RNF213: variants seen among roughly 807,000 people sequenced by gnomAD.
The protein encoded by RNF213 is ring finger protein 213, also known as E3 ubiquitin-protein ligase RNF213.
RNF213 carries 341 observed loss-of-function variants against 514.4 expected under a neutral mutation model. The ratio of observed to expected loss-of-function variants is 0.66; its 90% CI spans 0.61 to 0.73. The LOEUF (loss-of-function observed/expected upper bound fraction) is 0.73, where lower values mean the gene tolerates loss of function less well. Among genes scored for constraint, RNF213 ranks in the 30% least tolerant of loss-of-function variants. RNF213 has a pLI of 0.00. For synonymous variants in RNF213, 2,655 were observed against 2,658.2 expected, an observed-to-expected ratio of 1.00 and a Z score of 0.04; for missense variants, 5,767 against 6,615.6, an observed-to-expected ratio of 0.87 and a Z score of 4.45.
rs768549249 is a variant in RNF213 at position 80,306,231 on chromosome 17, G to A, written c.2211-21G>A. 73 of 1,610,056 alleles carry A rather than the reference G, an allele frequency of 4.5e-5. No homozygotes were observed. In the Admixed American group the frequency reaches 5.3e-4, roughly 12 times the overall value. ...TGATCTCACTGCGTCTCTTTTCTCCGTCCCTATTTCTCTTATGCAGGAGTT... is the reference window on the plus strand; with the variant it reads ...TGATCTCACTGCGTCTCTTTTCTCCATCCCTATTTCTCTTATGCAGGAGTT... On this transcript the variant is annotated intron_variant, in intron 11 of 67. Coordinates refer to ENST00000582970, the MANE Select transcript of RNF213 (RefSeq NM_001256071.3).
intron 59 of RNF213, 35 bp downstream of exon 59, chr17:80,383,963 C>G: frequency 1.2e-6 from 2 of 1,613,972 alleles, no homozygotes; most frequent in Non-Finnish European, 1.7e-6. Flanking sequence ...CTCCCTCTTT[C>G]GGTGCAGAGT....
intron 3 of RNF213, among the ~76,000 whole-genome samples, chr17:80,277,492 G>A (rs2044107801): frequency 6.6e-6 from 1 of 151,304 alleles, no homozygotes; most frequent in Non-Finnish European, 1.5e-5. Context: ...CAGCTACTCA[G>A]GAGGTTGAGG....
intron 3 of RNF213, among the ~76,000 whole-genome samples, chr17:80,283,252 C>T (rs1168564985): frequency 6.6e-6 from 1 of 152,014 alleles, no homozygotes; most frequent in Non-Finnish European, 1.5e-5. Context: ...GTAAGTGGTC[C>T]CTAACTCAGG....
chr17:80,307,304 A>G, intron 13 of RNF213, 103 bp downstream of exon 13: 1 of 895,496 alleles, frequency 1.1e-6, no homozygotes, highest in Non-Finnish European at 1.9e-6. Context: ...TTGTAACAGC[A>G]AGGTCATAAA....
chr17:80,361,956 G>A lies in RNF213; in HGVS notation c.11355+68G>A, dbSNP rs908399685. On this transcript the variant is annotated intron_variant, in intron 39 of 67. Transcript: ENST00000582970. ...CATGATGGGGACTGGATGCAGACAC[G>A]GAGACGTTTCCTCAGCTGCCTGGAG... 4.3e-5 allele frequency: 67 copies of A among 1,545,750 alleles called. No individual in the cohort carries two copies. In the Admixed American group the frequency reaches 5.4e-4, roughly 13 times the overall value.
rs1375635768 is a variant in RNF213 at position 80,340,607 on chromosome 17, TG to T, written c.5989+253del. 191 of 334,582 alleles carry T rather than the reference TG, an allele frequency of 5.7e-4. 1 individual carries two copies. Among genetic ancestry groups the T allele is most frequent in the African/African-American group, 3.7e-3 (146 of 39,336 alleles). The allele number at this position is 334,582 out of a possible 1,614,324, so 20.7% of individuals were successfully genotyped here. Reference sequence around the variant, plus strand: ...GCAAACATCTCTGCAGTGTACTTTGTGGTTTTTTTTTTTTTTTTTTTTTTTT... The same window carrying T: ...GCAAACATCTCTGCAGTGTACTTTGTGTTTTTTTTTTTTTTTTTTTTTTTT... On this transcript the variant is annotated intron_variant, in intron 26 of 67. Transcript: ENST00000582970.
At chr17:80,369,910 T>C in intron 46 of RNF213, 43 bp downstream of exon 46, 1 of 1,334,908 alleles carries the variant, frequency 7.5e-7, no homozygotes, top group Non-Finnish European at 1.1e-6. Context: ...GCCCTGGCTT[T>C]TTCTCTTCAT....
At position 80,381,589 on chromosome 17, in the gene RNF213, G is replaced by A. The variant is rs2080006229; in HGVS notation, c.13840G>A (p.Gly4614Ser). Residue 4614 changes from glycine to serine, a missense_variant, in exon 57 of 68, where the codon GGC becomes AGC. Around this residue, in one of 13 missense-constraint regions of RNF213, gnomAD observed 1,245 missense variants for 1,339.0 expected, o/e 0.93. Coordinates refer to ENST00000582970, the MANE Select transcript of RNF213 (RefSeq NM_001256071.3). ...TAAGCCTCCAGTGAGGGATCCAAAA[G>A]GCTTTCTGCAGCAGCACATCCTGAA... The part of the protein sequence containing the change: ...IIKPPVRDPK[G>S]FLQQHILKDL... 1.2e-5 allele frequency: 20 copies of A among 1,614,114 alleles called. No homozygotes were observed. The highest frequency in any genetic ancestry group is 1.4e-5 in the Non-Finnish European group (17 of 1,180,050).
At chr17:80,294,192 G>A (rs1475367422) in intron 8 of RNF213, among the ~76,000 whole-genome samples, 1 of 152,138 alleles carries the variant, frequency 6.6e-6, no homozygotes, top group Admixed American at 6.6e-5. Context: ...GAACAGTCAC[G>A]AATTCAGCCC....
chr17:80,370,638 G>A (rs940120817), intron 46 of RNF213, among the ~76,000 whole-genome samples: 1 of 152,066 alleles, frequency 6.6e-6, no homozygotes, highest in Admixed American at 6.5e-5. Flanking sequence ...ACTTTTCAAC[G>A]TTTTGTGGAA....
chr17:80,294,677 T>C (rs770020927), intron 8 of RNF213, 43 bp from the exon 9 acceptor site: 1 of 1,610,984 alleles, frequency 6.2e-7, no homozygotes, highest in South Asian at 1.1e-5. Flanking sequence ...CTCCAGGGTT[T>C]TGATGGTCTT....
intron 64 of RNF213, 130 bp from the exon 65 acceptor site, chr17:80,389,043 A>T (rs950876309): frequency 3.5e-6 from 3 of 853,328 alleles, no homozygotes; most frequent in African/African-American, 1.7e-5. Flanking sequence ...CGTGCGCCCA[A>T]GTGTCAGCTG....
chr17:80,373,475 T>A (rs1599167842), intron 49 of RNF213, among the ~76,000 whole-genome samples: 1 of 151,886 alleles, frequency 6.6e-6, no homozygotes, highest in East Asian at 1.9e-4. Flanking sequence ...CAGCTTGTGA[T>A]CATGTTTACA....
Position 80,279,031 on chromosome 17 carries a change from G to A in RNF213, c.261+5627G>A. On this transcript the variant is annotated intron_variant, in intron 3 of 67. Transcript: ENST00000582970. ...CCTGCCAGTCGAGGAAGGCTGCCCA[G>A]GATGGGCGTTTTCGGGTCACCCTTG... The A allele has an allele frequency of 2.2e-6, 3 of 1,350,548 alleles. No individual in the cohort carries two copies. In the South Asian group the frequency reaches 4.1e-5, roughly 19 times the overall value. The allele number at this position is 1,350,548 out of a possible 1,614,324, so 83.7% of individuals were successfully genotyped here. A position where few individuals can be genotyped will look rare whatever the true frequency, so the allele number is the denominator to read the frequency against.
Position 80,364,501 on chromosome 17 carries a change from GCGTCCCCGAGTTA to G in RNF213, c.11821_11833del (p.Val3941ArgfsTer4). ...CACGTGCTCCTAGGAACCGAGAGCC[GCGTCCCCGAGTTA>G]CAGGGGCTGGTGACCGAGCACGTCT... On this transcript the variant is annotated frameshift_variant, in exon 42 of 68. Coordinates refer to ENST00000582970, the MANE Select transcript of RNF213 (RefSeq NM_001256071.3). LOFTEE classifies it high-confidence loss of function. The G allele has an allele frequency of 6.2e-7, 1 of 1,614,116 alleles. No individual in the cohort carries two copies. The highest frequency in any genetic ancestry group is 8.5e-7 in the Non-Finnish European group (1 of 1,180,002).
At chr17:80,387,953 ATTTTTTTTTTTT>A (rs35624579) in intron 63 of RNF213, among the ~76,000 whole-genome samples, 9 of 111,348 alleles carry the variant, frequency 8.1e-5, no homozygotes, top group African/African-American at 1.2e-4. Context: ...GAGCCCATGG[ATTTTTTTTTTTT>A]TTTTTTTTTT....
rs773203556 is a variant in RNF213, at chr17:80,376,521, C to G, written c.13406C>G (p.Ala4469Gly). The G allele has an allele frequency of 6.2e-7, 1 of 1,614,106 alleles. No individual in the cohort carries two copies. The highest frequency in any genetic ancestry group is 1.7e-5 in the Admixed American group (1 of 60,034). The change falls in exon 52 of 68, where the codon GCC becomes GGC. Residue 4469 changes from alanine to glycine, a missense_variant. Physicochemically the swap from Ala to Gly is moderately conservative, Grantham distance 60 (BLOSUM62 0). This residue lies in a region of RNF213 where 1,245 missense variants were observed against 1,339.0 expected (regional missense o/e 0.93). Coordinates refer to ENST00000582970, the MANE Select transcript of RNF213 (RefSeq NM_001256071.3). ...NELLEPLKNLAFSPATMAHAF... is the reference protein window; with the variant it reads ...NELLEPLKNLGFSPATMAHAF... ...CTCTTGGAGCCCCTAAAGAATCTGG[C>G]CTTCTCCCCAGCCACCATGGCGGTA...
At position 80,376,313 on chromosome 17, in the gene RNF213, G is replaced by C. The variant is rs1194346958; in HGVS notation, c.13198G>C (p.Val4400Leu). The change falls in exon 52 of 68, where the codon GTG (valine) becomes CTG (leucine). Residue 4400 changes from valine to leucine, a missense_variant. Transcript: ENST00000582970. ...TTTTTCCTGTCAGCAATGTGAAGCT[G>C]TGAGCAAATTCATTGGCGAATGCAA... ...LHPTPEQCEA[V>L]SKFIGECKIL... is the part of the protein sequence containing the mutation. 6.2e-7 allele frequency: 1 copy of C among 1,614,184 alleles called. No individual in the cohort carries two copies. The highest frequency in any genetic ancestry group is 2.2e-5 in the East Asian group (1 of 44,890).
Position 80,363,219 on chromosome 17 carries a change from C to T in RNF213, c.11473C>T (p.Leu3825=), listed in dbSNP as rs1468233611. 6.2e-7 allele frequency: 1 copy of T among 1,614,064 alleles called. No individual in the cohort carries two copies. The highest frequency in any genetic ancestry group is 1.3e-5 in the African/African-American group (1 of 74,924). ...TGCCTACCAGCGTTTCAGAAGCCGT[C>T]TGCAGAACTTTTCCAGAATCCTGAC... ...HLAYQRFRSR[L]QNFSRILTIY... The change falls in exon 40 of 68, where the codon CTG becomes TTG. Residue 3825 remains leucine, a synonymous_variant. Coordinates refer to ENST00000582970, the MANE Select transcript of RNF213 (RefSeq NM_001256071.3).
Sources: allele counts gnomAD v4.1 joint callset (sites outside exome capture counted in the v4.1 genomes callset), GRCh38; gene constraint gnomAD v4.1.1; regional missense constraint gnomAD v4.1.1; transcripts MANE v1.5; gene names NCBI Gene and HGNC (gene_info 2026-07-23, HGNC 2026-07-21).